Variants in CA1 observed in about 807,000 individuals in gnomAD.
CA1 encodes carbonate dehydratase I.
Under a neutral mutation model 28.8 loss-of-function variants are expected in CA1, and 27 were observed. The observed-to-expected ratio is 0.94, with a 90% CI of 0.69 to 1.29. The LOEUF (loss-of-function observed/expected upper bound fraction) is 1.29. Among genes scored for constraint, CA1 ranks in the 50% most tolerant of loss-of-function variants. The pLI, the probability that CA1 is intolerant of heterozygous loss-of-function variation, is 0.00. For missense variants in CA1, 335 were observed against 310.5 expected, an observed-to-expected ratio of 1.08 and a Z score of -0.59; for synonymous variants, 121 against 108.8, an observed-to-expected ratio of 1.11 and a Z score of -0.70.
chr8:85,371,611 G>T (rs1230596281), intron 1 of CA1, among the ~76,000 whole-genome samples: 1 of 152,018 alleles, frequency 6.6e-6, no homozygotes, highest in African/African-American at 2.4e-5. Flanking sequence ...AGTCAGGTAG[G>T]GTCCACCCAA....
chr8:85,358,018 CA>C (rs1242469521), intron 1 of CA1, among the ~76,000 whole-genome samples: 1 of 152,112 alleles, frequency 6.6e-6, no homozygotes, highest in African/African-American at 2.4e-5. Flanking sequence ...ATCCAAGAAA[CA>C]TACAGAAACA....
rs79225526 is a variant in CA1, at chr8:85,358,073, A to G, written c.-24-16414T>C. On this transcript the variant is annotated intron_variant, in intron 1 of 7. Transcript: ENST00000523022. ...TTATAGTTTATGAGGGACTTAAACA[A>G]GGATCAACAGCAAATCACCCAAAAT... Among the ~76,000 whole-genome samples the G allele has an allele frequency of 9.5e-3, 1,450 of 152,358 alleles. 17 individuals are homozygous for G. The highest frequency in any genetic ancestry group is 0.013 in the Non-Finnish European group (907 of 68,028).
intron 1 of CA1, among the ~76,000 whole-genome samples, chr8:85,355,224 C>G (rs1044372181): frequency 6.6e-6 from 1 of 151,998 alleles, no homozygotes; most frequent in East Asian, 1.9e-4. Flanking sequence ...GACTGCTGTG[C>G]GAGAAAAACT....
intron 7 of CA1, among the ~76,000 whole-genome samples, chr8:85,329,193 G>A (rs376865011): frequency 3.0e-4 from 45 of 152,262 alleles, no homozygotes; most frequent in Non-Finnish European, 3.1e-4. Flanking sequence ...TAAAACATAT[G>A]TAAGGCACGT....
intron 4 of CA1, among the ~76,000 whole-genome samples, chr8:85,334,377 T>C (rs1440971791): frequency 6.6e-6 from 1 of 152,208 alleles, no homozygotes; most frequent in East Asian, 1.9e-4. Flanking sequence ...TTCACAACTT[T>C]GAGCCTTTGC....
intron 1 of CA1, among the ~76,000 whole-genome samples, chr8:85,369,074 C>T (rs1456721692): frequency 2.0e-5 from 3 of 152,124 alleles, no homozygotes; most frequent in Non-Finnish European, 4.4e-5. Flanking sequence ...TCTCTCCCAG[C>T]CTTGAACCCT....
At chr8:85,336,312 A>G (rs1228452122) in intron 4 of CA1, among the ~76,000 whole-genome samples, 1 of 152,208 alleles carries the variant, frequency 6.6e-6, no homozygotes, top group Non-Finnish European at 1.5e-5. Flanking sequence ...TCATACACCT[A>G]AAATAAAGAG....
At chr8:85,371,473 G>A (rs1327788005) in intron 1 of CA1, among the ~76,000 whole-genome samples, 1 of 151,926 alleles carries the variant, frequency 6.6e-6, no homozygotes, top group African/African-American at 2.4e-5. Flanking sequence ...GAATCCTAAG[G>A]CAACCCCCAA....
intron 1 of CA1, among the ~76,000 whole-genome samples, chr8:85,359,688 G>T (rs1809723440): frequency 6.6e-6 from 1 of 152,150 alleles, no homozygotes; most frequent in South Asian, 2.1e-4. Context: ...GTTTATCTTT[G>T]TTTGTGCAAG....
intron 7 of CA1, among the ~76,000 whole-genome samples, chr8:85,329,424 A>G (rs1406895301): frequency 6.6e-6 from 1 of 152,166 alleles, no homozygotes; most frequent in Non-Finnish European, 1.5e-5. Flanking sequence ...GCTTAAGAAG[A>G]TATTTAACAA....
At chr8:85,347,436 T>G (rs1241672497) in intron 1 of CA1, among the ~76,000 whole-genome samples, 1 of 152,208 alleles carries the variant, frequency 6.6e-6, no homozygotes, top group Non-Finnish European at 1.5e-5. Flanking sequence ...TGTATTTCAG[T>G]GAAAGCAAGT....
rs528537298 is a variant in CA1 at position 85,328,073 on chromosome 8, A to G, written c.*487T>C. 1.3e-5 allele frequency: 2 copies of G among 155,260 alleles called. No individual in the cohort carries two copies. Among genetic ancestry groups the G allele is most frequent in the Admixed American group, 6.4e-5 (1 of 15,616 alleles). The allele number at this position is 155,260 out of a possible 1,614,324, so 9.6% of individuals were successfully genotyped here. ...TCATCTCAGCTATATTTTTGTCTTC[A>G]GGAGTAAGCAAATGAATTTCCCAAT... On this transcript the variant is annotated 3_prime_UTR_variant, in exon 8 of 8. Transcript: ENST00000523022.
intron 1 of CA1, among the ~76,000 whole-genome samples, chr8:85,355,520 C>T: frequency 6.7e-6 from 1 of 148,964 alleles, no homozygotes; most frequent in South Asian, 2.1e-4. Context: ...GCAGCTGGGA[C>T]TACAGGTGCA....
chr8:85,332,217 CA>C (rs1808435583), intron 6 of CA1, among the ~76,000 whole-genome samples: 1 of 152,066 alleles, frequency 6.6e-6, no homozygotes, highest in Non-Finnish European at 1.5e-5. Flanking sequence ...TATAGTTTTT[CA>C]AGCAAATTTA....
intron 1 of CA1, among the ~76,000 whole-genome samples, chr8:85,352,883 C>T (rs1809466827): frequency 6.6e-6 from 1 of 152,124 alleles, no homozygotes; most frequent in Admixed American, 6.5e-5. Context: ...ACAGACTGGT[C>T]ACAAACTCAG....
intron 1 of CA1, among the ~76,000 whole-genome samples, chr8:85,346,626 A>G (rs186610919): frequency 1.3e-5 from 2 of 152,098 alleles, no homozygotes; most frequent in South Asian, 2.1e-4. Flanking sequence ...GCCAGGCGTG[A>G]TGGTAGGCAC....
chr8:85,352,149 C>T (rs1466413304), intron 1 of CA1, among the ~76,000 whole-genome samples: 4 of 152,186 alleles, frequency 2.6e-5, no homozygotes, highest in Admixed American at 1.3e-4. Flanking sequence ...ACCAGGTCTG[C>T]ATCCAAATCA....
At chr8:85,330,812 A>G (rs1808366762) in intron 6 of CA1, among the ~76,000 whole-genome samples, 1 of 152,174 alleles carries the variant, frequency 6.6e-6, no homozygotes, top group Admixed American at 6.6e-5. Flanking sequence ...AAACTCTACT[A>G]GTTCAGAAAC....
intron 3 of CA1, among the ~76,000 whole-genome samples, chr8:85,337,586 A>G (rs1808717125): frequency 6.6e-6 from 1 of 152,174 alleles, no homozygotes; most frequent in Admixed American, 6.6e-5. Flanking sequence ...TGGGGCACTT[A>G]TAAAACTTTG....
Sources: gnomAD v4.1 joint callset for allele counts (sites outside exome capture counted in the v4.1 genomes callset) on GRCh38, gnomAD v4.1.1 for gene constraint, MANE v1.5 for transcripts, NCBI Gene and HGNC (gene_info 2026-07-23, HGNC 2026-07-21) for gene names.